Variants in CSMD1 observed in about 807,000 individuals in gnomAD.
The protein encoded by CSMD1 is CUB and sushi domain-containing protein 1.
In CSMD1, 213 loss-of-function variants were observed where a neutral mutation model predicts 417.5. The ratio of observed to expected loss-of-function variants is 0.51; its 90% CI spans 0.46 to 0.57. CSMD1 has a LOEUF of 0.57. CSMD1 is among the 20% of genes least tolerant of loss of function. The pLI, the probability that CSMD1 is intolerant of heterozygous loss-of-function variation, is 0.00. For synonymous variants in CSMD1, 2,862 were observed against 1,736.8 expected, an observed-to-expected ratio of 1.65 and a Z score of -16.11; for missense variants, 6,923 against 4,529.7, an observed-to-expected ratio of 1.53 and a Z score of -15.17.
At chr8:4,079,762 C>T (rs990313914) in intron 3 of CSMD1, among the ~76,000 whole-genome samples, 2 of 152,064 alleles carry the variant, frequency 1.3e-5, no homozygotes, top group African/African-American at 2.4e-5. Flanking sequence ...ATAGTTTATG[C>T]AATTAATAAC....
At chr8:3,398,232 G>A (rs1170612301) in intron 16 of CSMD1, among the ~76,000 whole-genome samples, 3 of 152,166 alleles carry the variant, frequency 2.0e-5, no homozygotes, top group African/African-American at 7.2e-5. Context: ...GCCAATACCA[G>A]TAAGTGGAGA....
At chr8:4,783,507 GA>G (rs1175427978) in intron 1 of CSMD1, among the ~76,000 whole-genome samples, 1 of 152,184 alleles carries the variant, frequency 6.6e-6, no homozygotes, top group African/African-American at 2.4e-5. Flanking sequence ...ATTAAATAAA[GA>G]AAAACATTAA....
At chr8:4,250,217 G>C (rs748628979) in intron 3 of CSMD1, among the ~76,000 whole-genome samples, 50 of 152,204 alleles carry the variant, frequency 3.3e-4, no homozygotes, top group East Asian at 1.9e-4. Context: ...GTAGTATTTT[G>C]TTACAACAAC....
intron 7 of CSMD1, among the ~76,000 whole-genome samples, chr8:3,707,700 G>C (rs1424997128): frequency 6.6e-6 from 1 of 152,222 alleles, no homozygotes; most frequent in South Asian, 2.1e-4. Context: ...TGCATAGTGA[G>C]TCTCCAAGGA....
chr8:3,309,004 G>A lies in CSMD1; in HGVS notation c.3632-501C>T, dbSNP rs538519895. On this transcript the variant is annotated intron_variant, in intron 23 of 69. Coordinates refer to ENST00000635120, the MANE Select transcript of CSMD1 (RefSeq NM_033225.6). ...CTCCCAAAGTGCTGGGATTACAGGC[G>A]TGAGCCACTGCGCCCGGCCCCTCAA... Among the ~76,000 whole-genome samples the A allele has an allele frequency of 7.9e-4, 120 of 152,192 alleles. 2 individuals are homozygous for A. The highest frequency in any genetic ancestry group is 6.8e-3 in the Middle Eastern group (2 of 294).
In CSMD1 at chr8:4,284,179, C is replaced by T. The variant is rs571814579; in HGVS notation, c.415+135774G>A. On this transcript the variant is annotated intron_variant, in intron 3 of 69. Transcript: ENST00000635120. ...GGTCAGGAGTTCCAGACTAGGCTGG[C>T]CAACATGGTGAAACCCTATCTCTAC... 9.7e-4 allele frequency among the ~76,000 whole-genome samples: 148 copies of T among 152,164 alleles called. 2 individuals carry two copies. The highest frequency in any genetic ancestry group is 3.1e-3 in the African/African-American group (129 of 41,514).
At chr8:4,974,171 C>T (rs1415314302) in intron 1 of CSMD1, among the ~76,000 whole-genome samples, 4 of 147,480 alleles carry the variant, frequency 2.7e-5, no homozygotes, top group Non-Finnish European at 6.0e-5. Context: ...CACATGCCAC[C>T]ACACCCAGCT....
At chr8:3,664,009 G>GGATTTA (rs1798553927) in intron 7 of CSMD1, among the ~76,000 whole-genome samples, 1 of 152,168 alleles carries the variant, frequency 6.6e-6, no homozygotes, top group African/African-American at 2.4e-5. Context: ...TGGATGGCTT[G>GGATTTA]AGTTAAAGTT....
intron 1 of CSMD1, among the ~76,000 whole-genome samples, chr8:4,923,509 TAAAC>T (rs1422553405): frequency 1.4e-5 from 2 of 145,776 alleles, no homozygotes; most frequent in African/African-American, 4.9e-5. Context: ...TAAATATAAA[TAAAC>T]ACACATATAT....
At chr8:3,570,927 G>A (rs999161815) in intron 10 of CSMD1, among the ~76,000 whole-genome samples, 26 of 152,262 alleles carry the variant, frequency 1.7e-4, no homozygotes, top group Admixed American at 1.5e-3. Flanking sequence ...ATTCTAGTAT[G>A]TGTAGGAAAA....
At chr8:4,220,214 G>C (rs1365444492) in intron 3 of CSMD1, among the ~76,000 whole-genome samples, 4 of 152,180 alleles carry the variant, frequency 2.6e-5, no homozygotes, top group African/African-American at 9.7e-5. Flanking sequence ...GCCTCTCAGA[G>C]TGCCGGGATT....
chr8:3,929,850 C>T (rs910116871), intron 5 of CSMD1, among the ~76,000 whole-genome samples: 5 of 149,646 alleles, frequency 3.3e-5, no homozygotes, highest in South Asian at 4.3e-4. Flanking sequence ...TTAGTAGAGA[C>T]GCGGTTTCAC....
chr8:4,028,443 A>T (rs934425867), intron 4 of CSMD1, among the ~76,000 whole-genome samples: 3 of 152,176 alleles, frequency 2.0e-5, no homozygotes, highest in African/African-American at 7.2e-5. Context: ...TCGCCGTCAT[A>T]TGCCATTATG....
chr8:4,845,834 T>A (rs1801109255), intron 1 of CSMD1, among the ~76,000 whole-genome samples: 1 of 152,208 alleles, frequency 6.6e-6, no homozygotes, highest in South Asian at 2.1e-4. Flanking sequence ...GAAATTTACA[T>A]ACGATTTGTA....
intron 67 of CSMD1, 61 bp from the exon 68 acceptor site, chr8:2,949,447 CTCTTTTAATATA>C (rs1191212983): frequency 1.6e-5 from 13 of 803,584 alleles, no homozygotes; most frequent in Non-Finnish European, 2.6e-5. Context: ...GAATAATATC[CTCTTTTAATATA>C]TCTTTTAATA....
chr8:4,618,425 G>C (rs760074900), intron 2 of CSMD1, among the ~76,000 whole-genome samples: 5 of 151,876 alleles, frequency 3.3e-5, no homozygotes, highest in South Asian at 2.1e-4. Flanking sequence ...AGCAAAGGTG[G>C]GCAGGACTCA....
intron 7 of CSMD1, among the ~76,000 whole-genome samples, chr8:3,618,871 A>C (rs1023647744): frequency 6.6e-6 from 1 of 152,162 alleles, no homozygotes; most frequent in African/African-American, 2.4e-5. Flanking sequence ...TTTCCTCTCT[A>C]GGTATGAAGA....
chr8:2,961,209 C>T lies in CSMD1; in HGVS notation c.9634G>A (p.Ala3212Thr), dbSNP rs551310449. The change falls in exon 62 of 70, where the codon GCT (alanine) becomes ACT (threonine). Residue 3212 changes from alanine to threonine, a missense_variant. Transcript: ENST00000635120. The stretch of plus-strand genomic sequence containing the variant: ...CCAGGGTCTGGGCAGGTGTTATGAG[C>T]AGGATCTGAAATTTGTGATTTAAAA... ...SGIQPTCIDP[A>T]HNTCPDPGTP... is the part of the protein sequence containing the mutation. 3 of 1,589,368 alleles carry T rather than the reference C, an allele frequency of 1.9e-6. No homozygotes were observed. The highest frequency in any genetic ancestry group is 1.1e-5 in the South Asian group (1 of 88,060).
intron 23 of CSMD1, among the ~76,000 whole-genome samples, chr8:3,337,798 G>C (rs910364648): frequency 2.0e-5 from 3 of 152,128 alleles, no homozygotes; most frequent in Non-Finnish European, 4.4e-5. Context: ...TATTTTATGA[G>C]TCATTAAACA....
Sources: gnomAD v4.1 joint callset for allele counts (sites outside exome capture counted in the v4.1 genomes callset) on GRCh38, gnomAD v4.1.1 for gene constraint, MANE v1.5 for transcripts, NCBI Gene and HGNC (gene_info 2026-07-23, HGNC 2026-07-21) for gene names.